SAP30: variants seen among roughly 807,000 people sequenced by gnomAD.
SAP30 encodes Sin3A associated protein 30.
SAP30 carries 13 observed loss-of-function variants against 19.6 expected under a neutral mutation model. The observed-to-expected ratio is 0.66, with a 90% CI of 0.43 to 1.05. SAP30 has a LOEUF of 1.05. SAP30 is among the 50% of genes least tolerant of loss of function. SAP30 has a pLI of 0.00. For synonymous variants in SAP30, 108 were observed against 122.7 expected (o/e 0.88, Z 0.79); for missense variants, 257 against 292.1 (o/e 0.88, Z 0.88).
At chr4:173,373,651 C>A in intron 2 of SAP30, 136 bp downstream of exon 2, 3 of 875,378 alleles carry the variant, frequency 3.4e-6, no homozygotes, top group Non-Finnish European at 5.0e-6. Context: ...TAAATATAGC[C>A]AGTTGACATG....
chr4:173,376,147 A>C (rs983357574), intron 3 of SAP30, among the ~76,000 whole-genome samples: 5 of 152,180 alleles, frequency 3.3e-5, no homozygotes, highest in Admixed American at 2.0e-4. Flanking sequence ...TATTGTGTGG[A>C]TGAACTTTTT....
At chr4:173,377,165 A>G in intron 3 of SAP30, 40 bp from the exon 4 acceptor site, 2 of 1,472,974 alleles carry the variant, frequency 1.4e-6, no homozygotes, top group Non-Finnish European at 1.8e-6. Flanking sequence ...AACCTGTTAT[A>G]TCTAAAATTT....
chr4:173,371,965 A>G lies in SAP30; in HGVS notation c.315+468A>G, dbSNP rs1369971914. On this transcript the variant is annotated intron_variant, in intron 1 of 3. Transcript: ENST00000296504. This position sits in a 1 kb window ranked among gnomAD's most constrained non-coding sequence, Gnocchi z 6.4. ...AGCGGAGGACCTTCACGAACAAGGA[A>G]GATCCTGTTCTTTTCTGTGTTCCGT... 6.6e-6 allele frequency among the ~76,000 whole-genome samples: 1 copy of G among 152,186 alleles called. No homozygotes were observed. The highest frequency in any genetic ancestry group is 2.4e-5 in the African/African-American group (1 of 41,420).
At position 173,371,396 on chromosome 4, in the gene SAP30, G is replaced by T. The variant is rs200649811; in HGVS notation, c.214G>T (p.Asp72Tyr). 18 of 1,584,912 alleles carry T rather than the reference G, an allele frequency of 1.1e-5. No individual in the cohort carries two copies. The highest frequency in any genetic ancestry group is 1.4e-5 in the Non-Finnish European group (17 of 1,172,898). Reference protein sequence around the residue: ...GPGQLCCLREDGERCGRAAGN... With the variant: ...GPGQLCCLREYGERCGRAAGN... ...CGGGCAACTGTGCTGCCTGCGGGAG[G>T]ATGGTGAGCGGTGCGGCCGGGCGGC... is the stretch of plus-strand genomic sequence containing the variant. The change falls in exon 1 of 4, where the codon GAT becomes TAT. Residue 72 changes from aspartate (D) to tyrosine (Y), a missense_variant. Transcript: ENST00000296504. The surrounding 1 kb of genome is among the most constrained non-coding windows in gnomAD (Gnocchi z 6.4).
At chr4:173,372,440 A>T (rs1021657657) in intron 1 of SAP30, among the ~76,000 whole-genome samples, 1 of 152,232 alleles carries the variant, frequency 6.6e-6, no homozygotes. Flanking sequence ...TTTCAGTGTT[A>T]TCCATGAGAA....
chr4:173,372,890 C>T (rs915795950), intron 1 of SAP30, among the ~76,000 whole-genome samples: 14 of 152,220 alleles, frequency 9.2e-5, no homozygotes, highest in African/African-American at 3.4e-4. Flanking sequence ...TCAAGTGATT[C>T]TCCTGCCATA....
chr4:173,374,837 A>G (rs58415953), intron 3 of SAP30, among the ~76,000 whole-genome samples: 7,892 of 152,070 alleles, frequency 0.052, 637 homozygotes, highest in African/African-American at 0.17. Context: ...TTTATTAGAG[A>G]CATCCATGTT....
Position 173,371,512 on chromosome 4 carries a change from G to A in SAP30, c.315+15G>A. On this transcript the variant is annotated intron_variant, in intron 1 of 3. Coordinates refer to ENST00000296504, the MANE Select transcript of SAP30 (RefSeq NM_003864.4). The surrounding 1 kb of genome is among the most constrained non-coding windows in gnomAD (Gnocchi z 6.4). ...TGGATAAGAGCGTAAGTAAACCGCGGGACCGCCCTGCCCTCCCGCCCCTCG... is the reference window on the plus strand; with the variant it reads ...TGGATAAGAGCGTAAGTAAACCGCGAGACCGCCCTGCCCTCCCGCCCCTCG... 6.3e-7 allele frequency: 1 copy of A among 1,578,438 alleles called. No individual in the cohort carries two copies. Among genetic ancestry groups the A allele is most frequent in the South Asian group, 1.1e-5 (1 of 90,726 alleles).
intron 3 of SAP30, 64 bp downstream of exon 3, chr4:173,374,101 G>T (rs1255709420): frequency 1.1e-6 from 1 of 870,906 alleles, no homozygotes; most frequent in Non-Finnish European, 1.8e-6. Flanking sequence ...AGTGCTAATG[G>T]AAGTTTTAAT....
chr4:173,375,381 T>G (rs943197744), intron 3 of SAP30, among the ~76,000 whole-genome samples: 4 of 152,254 alleles, frequency 2.6e-5, no homozygotes, highest in Non-Finnish European at 4.4e-5. Flanking sequence ...GCAACACAGA[T>G]CTAATTAATT....
chr4:173,376,295 C>T (rs1328702578), intron 3 of SAP30, among the ~76,000 whole-genome samples: 1 of 152,240 alleles, frequency 6.6e-6, no homozygotes, highest in Non-Finnish European at 1.5e-5. Context: ...AAACATCCTT[C>T]ATTGAACATC....
intron 3 of SAP30, among the ~76,000 whole-genome samples, chr4:173,374,903 G>GT: frequency 6.6e-6 from 1 of 151,866 alleles, no homozygotes; most frequent in Admixed American, 6.6e-5. Context: ...TTTACTTGTA[G>GT]TTTGCTTTGA....
At chr4:173,376,398 G>T (rs954584568) in intron 3 of SAP30, among the ~76,000 whole-genome samples, 4 of 152,086 alleles carry the variant, frequency 2.6e-5, no homozygotes, top group African/African-American at 9.7e-5. Context: ...GTGAATGAAT[G>T]AATATAATTT....
intron 3 of SAP30, among the ~76,000 whole-genome samples, chr4:173,376,220 ATTC>A (rs926430690): frequency 8.5e-5 from 13 of 152,296 alleles, no homozygotes; most frequent in African/African-American, 3.1e-4. Flanking sequence ...TAAGTCTATT[ATTC>A]TTCTATTAGT....
At position 173,371,416 on chromosome 4, in the gene SAP30, GGCGGCAGGCA is replaced by G; in HGVS notation, c.235_244del (p.Ala79ThrfsTer17). 1.9e-6 allele frequency: 3 copies of G among 1,591,124 alleles called. No homozygotes were observed. Among genetic ancestry groups the G allele is most frequent in the Admixed American group, 1.7e-5 (1 of 59,716 alleles). On this transcript the variant is annotated frameshift_variant, in exon 1 of 4. Transcript: ENST00000296504. LOFTEE classifies it high-confidence loss of function. This position sits in a 1 kb window ranked among gnomAD's most constrained non-coding sequence, Gnocchi z 6.4. ...GGGAGGATGGTGAGCGGTGCGGCCG[GGCGGCAGGCA>G]ACGCCAGCTTCAGCAAGAGGATCCA...
chr4:173,371,602 G>C lies in SAP30; in HGVS notation c.315+105G>C. 1.3e-6 allele frequency: 2 copies of C among 1,484,382 alleles called. No homozygotes were observed. The highest frequency in any genetic ancestry group is 2.9e-5 in the African/African-American group (2 of 69,170). 92.0% of individuals were successfully genotyped at this position (1,484,382 alleles called of 1,614,324 possible). On this transcript the variant is annotated intron_variant, in intron 1 of 3. Transcript: ENST00000296504. The surrounding 1 kb of genome is among the most constrained non-coding windows in gnomAD (Gnocchi z 6.4). Reference sequence around the variant, plus strand: ...CGGGGTCCCCCAGACAACCGCACTGGCTGCAGTGCGGTCTCGTGGAGTCTG... The same window carrying C: ...CGGGGTCCCCCAGACAACCGCACTGCCTGCAGTGCGGTCTCGTGGAGTCTG...
chr4:173,373,662 C>T, intron 2 of SAP30, 147 bp downstream of exon 2: 2 of 806,044 alleles, frequency 2.5e-6, no homozygotes, highest in African/African-American at 1.8e-5. Context: ...AGTTGACATG[C>T]ATTTACACAG....
intron 2 of SAP30, 71 bp downstream of exon 2, chr4:173,373,586 G>A (rs1449954892): frequency 1.4e-6 from 2 of 1,385,204 alleles, no homozygotes; most frequent in Non-Finnish European, 9.6e-7. Flanking sequence ...AAAAAGATAT[G>A]AACAATCTTT....
rs1324614992 is a variant in SAP30, at chr4:173,371,641, A to G, written c.315+144A>G. The G allele has an allele frequency of 2.9e-6, 4 of 1,372,734 alleles. No homozygotes were observed. The highest frequency in any genetic ancestry group is 3.2e-5 in the East Asian group (1 of 31,068). 85.0% of individuals were successfully genotyped at this position (1,372,734 alleles called of 1,614,324 possible). A position where few individuals can be genotyped will look rare whatever the true frequency, so the allele number is the denominator to read the frequency against. On this transcript the variant is annotated intron_variant, in intron 1 of 3. Coordinates refer to ENST00000296504, the MANE Select transcript of SAP30 (RefSeq NM_003864.4). This position sits in a 1 kb window ranked among gnomAD's most constrained non-coding sequence, Gnocchi z 6.4. ...TCGTGGAGTCTGTGTTTGGAAGCAA[A>G]TAACAAAGTCGCTGCAACTCCTACC... is the stretch of plus-strand genomic sequence containing the variant.
Sources: gnomAD v4.1 joint callset for allele counts (sites outside exome capture counted in the v4.1 genomes callset) on GRCh38, gnomAD v4.1.1 for gene constraint, Gnocchi (gnomAD v3.1) non-coding constraint, MANE v1.5 for transcripts, NCBI Gene and HGNC (gene_info 2026-07-23, HGNC 2026-07-21) for gene names.